The following EDA2R variants were observed in gnomAD, a reference collection of about 807,000 sequenced individuals.
The protein encoded by EDA2R is ectodysplasin A2 receptor, also known as tumor necrosis factor receptor superfamily member 27.
A neutral mutation model predicts 20.1 loss-of-function variants in EDA2R; 26 were observed. The observed-to-expected ratio is 1.30, with a 90% CI of 0.95 to 1.80. The LOEUF is 1.80. Among genes scored for constraint, EDA2R ranks in the 40% most tolerant of loss-of-function variants. EDA2R has a pLI of 0.00. For synonymous variants in EDA2R, 114 were observed against 88.7 expected (o/e 1.29, Z -1.60); for missense variants, 277 against 228.7 (o/e 1.21, Z -1.36).
chrX:66,609,479 T>C (rs768435136), intron 2 of EDA2R, among the ~76,000 whole-genome samples: 1 of 111,567 alleles, frequency 9.0e-6, no homozygotes, highest in South Asian at 3.8e-4. Context: ...TCTTGAAAAG[T>C]TAAAGGGTTT....
rs776617306 is a variant in EDA2R at position 66,637,428 on chromosome X, G to GT, written c.-11+1566dup. Among the ~76,000 whole-genome samples the GT allele has an allele frequency of 1.3e-4, 15 of 111,179 alleles. No homozygotes were observed. In the East Asian group the frequency reaches 2.8e-3, roughly 21 times the overall value. ...CTCTTCCTAAAGCAGAGGATCTGAC[G>GT]TTTTTTTTAAGCTCAAAAACTTTCA... On this transcript the variant is annotated intron_variant, in intron 1 of 6. Coordinates refer to ENST00000374719, the MANE Select transcript of EDA2R (RefSeq NM_021783.5).
chrX:66,630,492 G>A (rs1419934029), intron 1 of EDA2R, among the ~76,000 whole-genome samples: 1 of 110,530 alleles, frequency 9.0e-6, no homozygotes, highest in Admixed American at 9.6e-5. Flanking sequence ...AAAAAATCAG[G>A]TAGAAAAATC....
At chrX:66,620,160 T>C (rs928230537) in intron 1 of EDA2R, among the ~76,000 whole-genome samples, 5 of 112,396 alleles carry the variant, frequency 4.4e-5, no homozygotes, top group African/African-American at 1.6e-4. Flanking sequence ...AGTTATCCAT[T>C]ATGTTTTGTG....
At chrX:66,598,938 C>G (rs1327447189) in intron 6 of EDA2R, among the ~76,000 whole-genome samples, 2 of 111,553 alleles carry the variant, frequency 1.8e-5, no homozygotes, top group Non-Finnish European at 3.8e-5. Flanking sequence ...AGCCCCCAAA[C>G]CTGGGTTCTT....
chrX:66,599,723 C>T lies in EDA2R; in HGVS notation c.655G>A (p.Glu219Lys), dbSNP rs377461146. The T allele has an allele frequency of 4.0e-5, 48 of 1,207,935 alleles. No individual in the cohort carries two copies. The highest frequency in any genetic ancestry group is 5.3e-5 in the African/African-American group (3 of 57,009). ...FQTQPLNPIL[E>K]DDCSSTSGFP... Reference sequence around the variant, plus strand: ...CCACTAGTCGAGCTGCAGTCGTCCTCGAGGATAGGGTTAAGTGGCTGGGTC... The same window carrying T: ...CCACTAGTCGAGCTGCAGTCGTCCTTGAGGATAGGGTTAAGTGGCTGGGTC... Residue 219 changes from glutamate to lysine, a missense_variant, in exon 6 of 7, where the codon GAG becomes AAG. Coordinates refer to ENST00000374719, the MANE Select transcript of EDA2R (RefSeq NM_021783.5).
intron 1 of EDA2R, among the ~76,000 whole-genome samples, chrX:66,621,636 A>C (rs1932638267): frequency 8.9e-6 from 1 of 112,621 alleles, no homozygotes; most frequent in Non-Finnish European, 1.9e-5. Context: ...TGCTAAATAA[A>C]AGAAGCTAGA....
At chrX:66,606,480 T>C (rs755020475) in intron 2 of EDA2R, among the ~76,000 whole-genome samples, 19 of 111,936 alleles carry the variant, frequency 1.7e-4, no homozygotes, top group Non-Finnish European at 3.2e-4. Flanking sequence ...TTAAGAATGA[T>C]AGCGGAAGCC....
chrX:66,598,140 T>A, intron 6 of EDA2R, 47 bp from the exon 7 acceptor site: 1 of 588,171 alleles, frequency 1.7e-6, no homozygotes, highest in Non-Finnish European at 2.4e-6. Flanking sequence ...GAAATCTCAC[T>A]AGCACCCTTC....
At chrX:66,618,912 C>A (rs1028833802) in intron 1 of EDA2R, among the ~76,000 whole-genome samples, 2 of 112,035 alleles carry the variant, frequency 1.8e-5, no homozygotes, top group Admixed American at 9.5e-5. Context: ...TTTTCATCTG[C>A]AAAATGGATG....
At chrX:66,638,036 C>T (rs1182958443) in intron 1 of EDA2R, among the ~76,000 whole-genome samples, 4 of 112,111 alleles carry the variant, frequency 3.6e-5, no homozygotes, top group Non-Finnish European at 7.5e-5. Context: ...TGATACAATC[C>T]TTACTTGGCA....
chrX:66,624,567 G>T (rs1377649552), intron 1 of EDA2R, among the ~76,000 whole-genome samples: 1 of 111,745 alleles, frequency 8.9e-6, no homozygotes, highest in Non-Finnish European at 1.9e-5. Context: ...ACATGATGAG[G>T]AAGGAACAGA....
chrX:66,607,274 A>AT (rs1213256367), intron 2 of EDA2R, among the ~76,000 whole-genome samples: 2 of 112,224 alleles, frequency 1.8e-5, no homozygotes, highest in Non-Finnish European at 3.8e-5. Flanking sequence ...TGTTGTTGTC[A>AT]TTTTTTAACT....
intron 1 of EDA2R, among the ~76,000 whole-genome samples, chrX:66,635,784 G>A (rs1484671448): frequency 1.8e-5 from 2 of 112,396 alleles, no homozygotes; most frequent in Non-Finnish European, 3.8e-5. Context: ...CTCTAGGCCT[G>A]TTTGGCCACC....
chrX:66,600,216 A>T, intron 5 of EDA2R: 1 of 513,836 alleles, frequency 1.9e-6, no homozygotes, highest in African/African-American at 2.4e-5. Flanking sequence ...GACTCTGCAG[A>T]TGGAATTAAA....
intron 1 of EDA2R, among the ~76,000 whole-genome samples, chrX:66,626,395 T>G (rs1452332867): frequency 2.7e-5 from 3 of 111,507 alleles, no homozygotes; most frequent in African/African-American, 9.8e-5. Context: ...GCAATAGAAT[T>G]GAACAAATAG....
chrX:66,615,846 G>T, intron 2 of EDA2R, 88 bp downstream of exon 2: 1 of 707,001 alleles, frequency 1.4e-6, no homozygotes, highest in Non-Finnish European at 2.2e-6. Flanking sequence ...CATAAGTAGG[G>T]CTGACTCCCC....
At chrX:66,629,073 G>T (rs760200192) in intron 1 of EDA2R, among the ~76,000 whole-genome samples, 46 of 111,753 alleles carry the variant, frequency 4.1e-4, no homozygotes, top group Non-Finnish European at 8.1e-4. Flanking sequence ...CCCATAAACA[G>T]AATTTAAAAC....
At chrX:66,622,600 G>A (rs1932766653) in intron 1 of EDA2R, among the ~76,000 whole-genome samples, 1 of 111,931 alleles carries the variant, frequency 8.9e-6, no homozygotes, top group African/African-American at 3.3e-5. Context: ...TTCCTCTACT[G>A]CGAGCCCATC....
rs371914399 is a variant in EDA2R at position 66,632,608 on chromosome X, G to GA, written c.-11+6386dup. On this transcript the variant is annotated intron_variant, in intron 1 of 6. Transcript: ENST00000374719. Reference sequence around the variant, plus strand: ...CAACGAAGAAGGGGAAGCCAGAGAAGAAAAAAAAAAAAAAGAACCTTGATA... The same window carrying GA: ...CAACGAAGAAGGGGAAGCCAGAGAAGAAAAAAAAAAAAAAAGAACCTTGATA... Among the ~76,000 whole-genome samples, 351 of 80,212 alleles carry GA rather than the reference G, an allele frequency of 4.4e-3. 1 individual carries two copies. Among genetic ancestry groups the GA allele is most frequent in the Non-Finnish European group, 5.5e-3 (215 of 38,905 alleles). 69.7% of individuals were successfully genotyped at this position (80,212 alleles called of 115,157 possible).
Sources: allele counts gnomAD v4.1 joint callset (sites outside exome capture counted in the v4.1 genomes callset), GRCh38; gene constraint gnomAD v4.1.1; transcripts MANE v1.5; gene names NCBI Gene and HGNC (gene_info 2026-07-23, HGNC 2026-07-21).